The following NAV3 variants were observed in gnomAD, a reference collection of about 807,000 sequenced individuals.
The protein encoded by NAV3 is pore membrane and/or filament interacting like protein 1.
Under a neutral mutation model 244.7 loss-of-function variants are expected in NAV3, and 87 were observed. That is an observed-to-expected ratio of 0.36 (90% CI 0.30 to 0.42). NAV3 has a LOEUF of 0.42. Ranked by LOEUF, NAV3 falls within the 20% of genes least tolerant of loss-of-function variation. The probability of loss-of-function intolerance (pLI) is 1.00; values close to 1 mark genes in which losing one functional copy is unlikely to be tolerated. For missense variants in NAV3, 2,663 were observed against 2,893.3 expected, an observed-to-expected ratio of 0.92 and a Z score of 1.83; for synonymous variants, 1,126 against 1,042.2, an observed-to-expected ratio of 1.08 and a Z score of -1.55.
intron 19 of NAV3, among the ~76,000 whole-genome samples, chr12:78,139,800 G>A (rs999918885): frequency 1.8e-4 from 27 of 151,808 alleles, no homozygotes; most frequent in African/African-American, 6.1e-4. Context: ...TATGATCAAC[G>A]CATCACAGAT....
chr12:77,746,206 T>G (rs1868535141), intron 2 of NAV3, among the ~76,000 whole-genome samples: 1 of 152,096 alleles, frequency 6.6e-6, no homozygotes, highest in African/African-American at 2.4e-5. Flanking sequence ...CTCACGGGGA[T>G]AGATAGTAAA....
At position 78,191,545 on chromosome 12, in the gene NAV3, T is replaced by C. The variant is rs1958982597; in HGVS notation, c.6291+1326T>C. 2.0e-5 allele frequency among the ~76,000 whole-genome samples: 3 copies of C among 152,118 alleles called. No individual in the cohort carries two copies. The South Asian group carries it at 6.2e-4, about 32-fold the overall frequency. On this transcript the variant is annotated intron_variant, in intron 34 of 39. Transcript: ENST00000397909. ...TAAAGCACAATGGGATCTCTTAAAG[T>C]TAAATAAATGCAATACATAAATTCT...
intron 2 of NAV3, among the ~76,000 whole-genome samples, chr12:77,740,222 T>C (rs1592636245): frequency 1.3e-5 from 2 of 152,322 alleles, no homozygotes; most frequent in South Asian, 4.1e-4. Context: ...CTATTTCTTA[T>C]GCATACCAAC....
At chr12:78,189,936 G>A (rs761175983) in intron 33 of NAV3, 48 bp from the exon 34 acceptor site, 4 of 1,375,972 alleles carry the variant, frequency 2.9e-6, no homozygotes, top group Non-Finnish European at 4.1e-6. Flanking sequence ...TTAAATTCTA[G>A]CTTATGTAGA....
intron 2 of NAV3, among the ~76,000 whole-genome samples, chr12:77,811,224 CTTCATCCATACT>C (rs1475114042): frequency 6.6e-6 from 1 of 152,122 alleles, no homozygotes; most frequent in Admixed American, 6.5e-5. Flanking sequence ...TCTACTCATT[CTTCATCCATACT>C]TTCATTGTTT....
intron 2 of NAV3, among the ~76,000 whole-genome samples, chr12:77,737,295 A>C (rs1186783525): frequency 6.7e-6 from 1 of 150,368 alleles, no homozygotes; most frequent in Non-Finnish European, 1.5e-5. Context: ...GCGTTCACCC[A>C]AAAAATGCAT....
chr12:77,957,402 T>C (rs974096325), intron 3 of NAV3, among the ~76,000 whole-genome samples: 6 of 152,212 alleles, frequency 3.9e-5, no homozygotes, highest in African/African-American at 1.4e-4. Flanking sequence ...TAATCATATC[T>C]TGGTATTTAG....
Position 78,116,772 on chromosome 12 carries a change from C to G in NAV3, c.2637C>G (p.Ser879Arg), listed in dbSNP as rs1298895487. 6.3e-7 allele frequency: 1 copy of G among 1,586,860 alleles called. No homozygotes were observed. The highest frequency in any genetic ancestry group is 8.6e-7 in the Non-Finnish European group (1 of 1,162,650). ...GVHDVTVDAD[S>R]WDDSSSVSSG... The stretch of plus-strand genomic sequence containing the variant: ...CTGCTCTTGCATGTCTTGCCTTTAG[C>G]TGGGATGACAGCAGTTCAGTGAGCA... Residue 879 changes from serine to arginine, a missense_variant and splice_region_variant, in exon 13 of 40, where the codon AGC becomes AGG. Physicochemically the swap from Ser to Arg is moderately radical, Grantham distance 110. This residue lies in a region of NAV3 where 1,521 missense variants were observed against 1,497.0 expected (regional missense o/e 1.02). Coordinates refer to ENST00000397909, the MANE Select transcript of NAV3 (RefSeq NM_001024383.2).
chr12:77,879,115 G>A (rs1021324261), intron 1 of NAV3, among the ~76,000 whole-genome samples: 1 of 152,102 alleles, frequency 6.6e-6, no homozygotes, highest in Non-Finnish European at 1.5e-5. Flanking sequence ...ACCAAATACA[G>A]CTGCTGCTGC....
In NAV3 at chr12:77,660,443, C is replaced by T. The variant is rs183994008; in HGVS notation, c.72+88177C>T. Among the ~76,000 whole-genome samples, 149 of 152,198 alleles carry T rather than the reference C, an allele frequency of 9.8e-4. 1 individual carries two copies. The highest frequency in any genetic ancestry group is 2.0e-3 in the Non-Finnish European group (135 of 67,994). On this transcript the variant is annotated intron_variant, in intron 2 of 8. Transcript: ENST00000550042. ...CTTTTATGAACCAATTGTGTGTCTTCCAATGGATTAGACATACTTCTTCAT... is the reference window on the plus strand; with the variant it reads ...CTTTTATGAACCAATTGTGTGTCTTTCAATGGATTAGACATACTTCTTCAT...
At chr12:78,008,631 A>C (rs1288126322) in intron 8 of NAV3, among the ~76,000 whole-genome samples, 1 of 147,872 alleles carries the variant, frequency 6.8e-6, no homozygotes, top group Admixed American at 6.9e-5. Context: ...AAGTTTTTAA[A>C]ATAAAGCAGT....
At chr12:77,573,185 A>T (rs78971363) in intron 2 of NAV3, among the ~76,000 whole-genome samples, 23,623 of 152,192 alleles carry the variant, frequency 0.16, 2,307 homozygotes, top group Admixed American at 0.23. Flanking sequence ...TTTTTACATC[A>T]GTCTTAGAAA....
intron 9 of NAV3, among the ~76,000 whole-genome samples, chr12:78,045,715 C>T (rs1258146807): frequency 1.3e-5 from 2 of 152,016 alleles, no homozygotes; most frequent in African/African-American, 4.8e-5. Flanking sequence ...GTCTTTGCCA[C>T]GTTTTGGTAT....
intron 2 of NAV3, among the ~76,000 whole-genome samples, chr12:77,810,404 C>G (rs960795999): frequency 6.6e-6 from 1 of 152,146 alleles, no homozygotes; most frequent in Admixed American, 6.5e-5. Context: ...ATCTCCTGAC[C>G]TCATGATCCG....
intron 2 of NAV3, among the ~76,000 whole-genome samples, chr12:77,778,613 G>GAAAAAAA (rs746919824): frequency 1.7e-5 from 1 of 58,160 alleles, no homozygotes; most frequent in African/African-American, 5.9e-5. Flanking sequence ...CTCCGTCTCA[G>GAAAAAAA]AAAAAAAAAA....
chr12:77,875,184 C>T (rs1195586899), intron 1 of NAV3, among the ~76,000 whole-genome samples: 3 of 151,968 alleles, frequency 2.0e-5, no homozygotes, highest in Non-Finnish European at 4.4e-5. Flanking sequence ...AAACTTCCAG[C>T]AAGTTATAAA....
chr12:77,592,432 T>C (rs1369727244), intron 2 of NAV3, among the ~76,000 whole-genome samples: 1 of 152,186 alleles, frequency 6.6e-6, no homozygotes, highest in Non-Finnish European at 1.5e-5. Flanking sequence ...ACCTAAGCCT[T>C]TTTATGGCTC....
chr12:77,751,602 A>T (rs774234065), intron 2 of NAV3, among the ~76,000 whole-genome samples: 15 of 152,098 alleles, frequency 9.9e-5, no homozygotes, highest in Non-Finnish European at 1.9e-4. Flanking sequence ...CATGATGGTA[A>T]ATTTCCTGAG....
intron 1 of NAV3, among the ~76,000 whole-genome samples, chr12:77,902,846 A>G: frequency 6.6e-6 from 1 of 152,206 alleles, no homozygotes; most frequent in Non-Finnish European, 1.5e-5. Flanking sequence ...TTATACACCA[A>G]TAGCAGACAA....
Sources: allele counts gnomAD v4.1 joint callset (sites outside exome capture counted in the v4.1 genomes callset), GRCh38; gene constraint gnomAD v4.1.1; regional missense constraint gnomAD v4.1.1; transcripts MANE v1.5; gene names NCBI Gene and HGNC (gene_info 2026-07-23, HGNC 2026-07-21).